Variants in AMOT observed in about 807,000 individuals in gnomAD.
The protein encoded by AMOT is angiomotin.
A neutral mutation model predicts 67.0 loss-of-function variants in AMOT; 11 were observed. The observed-to-expected ratio is 0.16, with a 90% CI of 0.10 to 0.27. AMOT has a LOEUF of 0.27. Among genes scored for constraint, AMOT ranks in the 10% least tolerant of loss-of-function variants. AMOT has a pLI of 1.00. For synonymous variants in AMOT, 326 were observed against 321.4 expected, an observed-to-expected ratio of 1.01 and a Z score of -0.15; for missense variants, 753 against 852.0, an observed-to-expected ratio of 0.88 and a Z score of 1.45.
chrX:112,820,090 C>A (rs1934672748), intron 4 of AMOT, among the ~76,000 whole-genome samples: 1 of 112,328 alleles, frequency 8.9e-6, no homozygotes, highest in Admixed American at 9.4e-5. Flanking sequence ...GGCCCTGCAA[C>A]AATTTTACGG....
chrX:112,798,793 G>A (rs956138915), intron 8 of AMOT, among the ~76,000 whole-genome samples: 6 of 111,773 alleles, frequency 5.4e-5, no homozygotes, highest in Non-Finnish European at 1.1e-4. Flanking sequence ...CAGTGGGAAG[G>A]CAATCTATTG....
At chrX:112,835,010 C>G (rs758527169) in intron 1 of AMOT, among the ~76,000 whole-genome samples, 4 of 111,981 alleles carry the variant, frequency 3.6e-5, no homozygotes, top group Admixed American at 1.9e-4. Flanking sequence ...AATGGGGCAC[C>G]AAAGGGCACT....
intron 8 of AMOT, among the ~76,000 whole-genome samples, chrX:112,803,774 A>G (rs1306861995): frequency 8.9e-6 from 1 of 112,777 alleles, no homozygotes; most frequent in Non-Finnish European, 1.9e-5. Flanking sequence ...AAGGCAGTAA[A>G]GATACCTCAT....
At chrX:112,823,378 G>A (rs1270580905) in intron 3 of AMOT, among the ~76,000 whole-genome samples, 190 bp from the exon 4 acceptor site, 1 of 111,870 alleles carries the variant, frequency 8.9e-6, no homozygotes, top group Non-Finnish European at 1.9e-5. Context: ...GGAGGCATAA[G>A]AGCTCTAGGT....
chrX:112,782,400 A>T, intron 11 of AMOT, 140 bp downstream of exon 11: 1 of 824,964 alleles, frequency 1.2e-6, no homozygotes, highest in Non-Finnish European at 1.8e-6. Context: ...ATTGCATCTC[A>T]CACCTTTAAG....
At chrX:112,821,099 C>A (rs1179967558) in intron 4 of AMOT, among the ~76,000 whole-genome samples, 1 of 111,696 alleles carries the variant, frequency 9.0e-6, no homozygotes, top group Non-Finnish European at 1.9e-5. Flanking sequence ...CACCCTACTC[C>A]ACCCCATGAC....
At position 112,779,460 on chromosome X, in the gene AMOT, G is replaced by GGCAGTGATGGCGGCA. The variant is rs767000738; in HGVS notation, c.2679_2693dup (p.Ala894_Ala898dup). ...TGGTGGTGGTGATGGTGGCAGCAGTGGCAGTGATGGCGGCAGCAGTGGCGG... is the reference window on the plus strand; with the variant it reads ...TGGTGGTGGTGATGGTGGCAGCAGTGGCAGTGATGGCGGCAGCAGTGATGGCGGCAGCAGTGGCGG... On this transcript the variant is annotated inframe_insertion, in exon 13 of 14. Transcript: ENST00000371959. 1.2e-3 allele frequency: 1,421 copies of GGCAGTGATGGCGGCA among 1,200,162 alleles called. 1 individual carries two copies. Among genetic ancestry groups the GGCAGTGATGGCGGCA allele is most frequent in the Non-Finnish European group, 1.5e-3 (1,351 of 890,093 alleles).
intron 8 of AMOT, among the ~76,000 whole-genome samples, chrX:112,801,740 A>AC (rs1215625354): frequency 8.9e-6 from 1 of 112,489 alleles, no homozygotes; most frequent in Non-Finnish European, 1.9e-5. Flanking sequence ...AGACATAAAT[A>AC]AATGCAAGGG....
At position 112,823,072 on chromosome X, in the gene AMOT, G is replaced by C. The variant is rs1231804086; in HGVS notation, c.55C>G (p.Leu19Val). Residue 19 changes from leucine (L) to valine (V), a missense_variant, in exon 4 of 14, where the codon CTA (leucine) becomes GTA (valine). Leu to Val is a conservative substitution (Grantham distance 32). Transcript: ENST00000371959. The stretch of plus-strand genomic sequence containing the variant: ...TTGCCATAGCGAAGCTGCTCTTGTA[G>C]CAAACGCTGCAATACCGTGGTCCCT... ...SGGTTVLQRL[L>V]QEQLRYGNPS... 8.6e-7 allele frequency: 1 copy of C among 1,167,131 alleles called. No homozygotes were observed. The highest frequency in any genetic ancestry group is 1.9e-5 in the South Asian group (1 of 52,581).
chrX:112,789,776 C>A (rs1182996531), intron 10 of AMOT, among the ~76,000 whole-genome samples: 5 of 109,596 alleles, frequency 4.6e-5, no homozygotes. Context: ...CCTTTCATAC[C>A]CAATTCCAGA....
At chrX:112,799,975 G>A (rs1430024685) in intron 8 of AMOT, among the ~76,000 whole-genome samples, 3 of 111,904 alleles carry the variant, frequency 2.7e-5, no homozygotes, top group African/African-American at 6.5e-5. Context: ...GCTCACTCCT[G>A]TAATCCCAGC....
intron 10 of AMOT, among the ~76,000 whole-genome samples, chrX:112,783,106 C>T (rs1933249392): frequency 9.1e-6 from 1 of 109,580 alleles, no homozygotes; most frequent in South Asian, 4.0e-4. Context: ...ACCAGCCTGG[C>T]CAACATGGAG....
intron 10 of AMOT, among the ~76,000 whole-genome samples, chrX:112,787,837 A>T (rs1933419905): frequency 8.9e-6 from 1 of 111,745 alleles, no homozygotes; most frequent in Non-Finnish European, 1.9e-5. Flanking sequence ...GTGGCACCAG[A>T]TTTAGGGATA....
chrX:112,779,809 A>T, intron 12 of AMOT, 129 bp from the exon 13 acceptor site: 2 of 264,715 alleles, frequency 7.6e-6, no homozygotes, highest in South Asian at 2.3e-4. Flanking sequence ...TATTATTTAA[A>T]TATTTAAAAT....
At chrX:112,815,164 C>T (rs771232065) in intron 5 of AMOT, among the ~76,000 whole-genome samples, 194 bp downstream of exon 5, 1 of 111,587 alleles carries the variant, frequency 9.0e-6, no homozygotes, top group African/African-American at 3.3e-5. Context: ...AAATGTAAGA[C>T]GTTACTTCTC....
chrX:112,802,037 T>C (rs1421008305), intron 8 of AMOT, among the ~76,000 whole-genome samples: 2 of 110,643 alleles, frequency 1.8e-5, no homozygotes, highest in African/African-American at 3.2e-5. Flanking sequence ...AACATATCCA[T>C]GTGCCTTCAA....
At chrX:112,826,282 A>T (rs777120757) in intron 2 of AMOT, among the ~76,000 whole-genome samples, 1 of 112,465 alleles carries the variant, frequency 8.9e-6, no homozygotes, top group Admixed American at 9.4e-5. Context: ...AATGCAAAAG[A>T]AGTACACAAA....
At chrX:112,818,210 T>C (rs929298454) in intron 4 of AMOT, among the ~76,000 whole-genome samples, 1 of 111,234 alleles carries the variant, frequency 9.0e-6, no homozygotes, top group Admixed American at 9.5e-5. Flanking sequence ...AAATGGGCTT[T>C]CTCTCCACAG....
Position 112,791,869 on chromosome X carries a change from C to T in AMOT, c.1889G>A (p.Arg630Gln), listed in dbSNP as rs1457435871. The T allele has an allele frequency of 2.5e-6, 3 of 1,210,276 alleles. 1 individual carries two copies. The highest frequency in any genetic ancestry group is 3.4e-6 in the Non-Finnish European group (3 of 895,301). The change falls in exon 9 of 14, where the codon CGA becomes CAA. Residue 630 changes from arginine to glutamine, a missense_variant. Coordinates refer to ENST00000371959, the MANE Select transcript of AMOT (RefSeq NM_001113490.2). ...CAGGGATTCCAGTTCCCTCTCCAGT[C>T]GTGTCCGGAGACGGTGCTCTAGCTG... The part of the protein sequence containing the change: ...REQLEHRLRT[R>Q]LERELESLRI...
Sources: gnomAD v4.1 joint callset for allele counts (sites outside exome capture counted in the v4.1 genomes callset) on GRCh38, gnomAD v4.1.1 for gene constraint, MANE v1.5 for transcripts, NCBI Gene and HGNC (gene_info 2026-07-23, HGNC 2026-07-21) for gene names.